SCARA5: variants seen among roughly 807,000 people sequenced by gnomAD.
The protein encoded by SCARA5 is scavenger receptor class A member 5.
Under a neutral mutation model 46.3 loss-of-function variants are expected in SCARA5, and 45 were observed. That is an observed-to-expected ratio of 0.97 (90% CI 0.76 to 1.24). The LOEUF (loss-of-function observed/expected upper bound fraction) is 1.24. Ranked by LOEUF, SCARA5 falls within the 50% of genes most tolerant of loss-of-function variation. The pLI, the probability that SCARA5 is intolerant of heterozygous loss-of-function variation, is 0.00. For synonymous variants in SCARA5, 333 were observed against 306.5 expected (o/e 1.09, Z -0.90); for missense variants, 680 against 689.0 (o/e 0.99, Z 0.15).
intron 3 of SCARA5, among the ~76,000 whole-genome samples, chr8:27,935,820 G>A (rs2726927): frequency 0.35 from 53,048 of 152,026 alleles, 9,500 homozygotes; most frequent in African/African-American, 0.39. Flanking sequence ...TCTGGGCTGC[G>A]TGGAGCCATG....
In SCARA5 at chr8:27,874,379, A is replaced by C. The variant is rs150570477; in HGVS notation, c.1352-2309T>G. Among the ~76,000 whole-genome samples, 1,276 of 152,370 alleles carry C rather than the reference A, an allele frequency of 8.4e-3. 19 individuals carry two copies. The highest frequency in any genetic ancestry group is 0.028 in the African/African-American group (1,185 of 41,590). ...CTGCCCTGGCCTCTCATGTTCGGCCAGTACAGTCTTTTCTCCTCACACAGC... is the reference window on the plus strand; with the variant it reads ...CTGCCCTGGCCTCTCATGTTCGGCCCGTACAGTCTTTTCTCCTCACACAGC... On this transcript the variant is annotated intron_variant, in intron 8 of 8. Transcript: ENST00000354914.
In SCARA5 at chr8:27,898,705, G is replaced by A. The variant is rs143946593; in HGVS notation, c.1153+6073C>T. Among the ~76,000 whole-genome samples, 196 of 152,316 alleles carry A rather than the reference G, an allele frequency of 1.3e-3. 3 individuals are homozygous for A. In the East Asian group the frequency reaches 0.032, roughly 25 times the overall value. On this transcript the variant is annotated intron_variant, in intron 7 of 8. Coordinates refer to ENST00000354914, the MANE Select transcript of SCARA5 (RefSeq NM_173833.6). ...TACCTGAGTTTGGGTGGGATCGAAG[G>A]ATGAGGTGCTGATTGTCAGGGAAAT...
At position 27,918,605 on chromosome 8, in the gene SCARA5, GA is replaced by G. The variant is rs1807509320; in HGVS notation, c.916+2965del. ...GGAGAAGGAAGAAGAGGAGGAGAAG[GA>G]GGAGGAAGAGGAGGGGGAGCAGGAG... On this transcript the variant is annotated intron_variant, in intron 4 of 8. Transcript: ENST00000354914. 4.0e-5 allele frequency among the ~76,000 whole-genome samples: 6 copies of G among 148,622 alleles called. No individual in the cohort carries two copies. In the South Asian group the frequency reaches 1.3e-3, roughly 33 times the overall value.
At chr8:27,943,333 T>C (rs113517618) in intron 3 of SCARA5, among the ~76,000 whole-genome samples, 5,194 of 152,216 alleles carry the variant, frequency 0.034, 312 homozygotes, top group African/African-American at 0.12. Context: ...GTCCTAGCTA[T>C]TCCGGAGGCT....
chr8:27,952,862 C>T (rs1442525860), intron 3 of SCARA5, among the ~76,000 whole-genome samples: 2 of 152,160 alleles, frequency 1.3e-5, no homozygotes, highest in Non-Finnish European at 2.9e-5. Context: ...CCTTTTGGAA[C>T]CAAGCACAGG....
At chr8:27,941,348 C>T (rs1369930796) in intron 3 of SCARA5, among the ~76,000 whole-genome samples, 1 of 152,176 alleles carries the variant, frequency 6.6e-6, no homozygotes, top group African/African-American at 2.4e-5. Context: ...TGACCACTAC[C>T]CGCTATGCTG....
chr8:27,903,177 G>A (rs749359568), intron 7 of SCARA5: 16 of 152,190 alleles, frequency 1.1e-4, no homozygotes, highest in Non-Finnish European at 2.1e-4. Flanking sequence ...GTGATGTGAA[G>A]GGCCTACTGC....
At chr8:27,890,579 C>T (rs1281077035) in intron 7 of SCARA5, among the ~76,000 whole-genome samples, 1 of 148,406 alleles carries the variant, frequency 6.7e-6, no homozygotes, top group African/African-American at 2.5e-5. Context: ...TGATTGGAAT[C>T]CCCTTCTGAA....
Position 27,973,919 on chromosome 8 carries a change from G to A in SCARA5, c.113-7377C>T, listed in dbSNP as rs188369507. Among the ~76,000 whole-genome samples the A allele has an allele frequency of 4.6e-3, 702 of 152,346 alleles. 7 individuals are homozygous for A. Among genetic ancestry groups the A allele is most frequent in the South Asian group, 7.2e-3 (35 of 4,828 alleles). On this transcript the variant is annotated intron_variant, in intron 2 of 8. Transcript: ENST00000354914. Reference sequence around the variant, plus strand: ...TATTATTCCTAGAGGTAAACATTGTGAAGACTTCCTCCTAAAACCGGGAGC... The same window carrying A: ...TATTATTCCTAGAGGTAAACATTGTAAAGACTTCCTCCTAAAACCGGGAGC...
intron 6 of SCARA5, among the ~76,000 whole-genome samples, chr8:27,906,687 A>G (rs1276701753): frequency 6.6e-6 from 1 of 152,098 alleles, no homozygotes; most frequent in Non-Finnish European, 1.5e-5. Flanking sequence ...TATCATGAGG[A>G]TTTCTAGATT....
At chr8:27,944,738 C>A (rs1808005863) in intron 3 of SCARA5, among the ~76,000 whole-genome samples, 1 of 147,532 alleles carries the variant, frequency 6.8e-6, no homozygotes, top group Admixed American at 6.8e-5. Flanking sequence ...GGCATGGTGG[C>A]AGTTGCCTGC....
intron 4 of SCARA5, among the ~76,000 whole-genome samples, chr8:27,918,036 A>C (rs1200559466): frequency 6.6e-6 from 1 of 152,204 alleles, no homozygotes; most frequent in Non-Finnish European, 1.5e-5. Context: ...AGTTATGTGC[A>C]CTGCACTCTT....
At chr8:27,894,826 T>C (rs955169748) in intron 7 of SCARA5, among the ~76,000 whole-genome samples, 1 of 152,170 alleles carries the variant, frequency 6.6e-6, no homozygotes, top group Non-Finnish European at 1.5e-5. Flanking sequence ...TGGTTCCAAA[T>C]CACATCCCTG....
intron 7 of SCARA5, among the ~76,000 whole-genome samples, chr8:27,904,214 C>T (rs1807213809): frequency 6.6e-6 from 1 of 152,144 alleles, no homozygotes; most frequent in Non-Finnish European, 1.5e-5. Context: ...AAGGCGATGC[C>T]ACTTTGTCTC....
At chr8:27,910,696 T>A (rs1807359174) in intron 4 of SCARA5, among the ~76,000 whole-genome samples, 1 of 152,182 alleles carries the variant, frequency 6.6e-6, no homozygotes, top group African/African-American at 2.4e-5. Context: ...CAGAGGGATG[T>A]CAGGGACACA....
At chr8:27,880,166 C>T (rs1294895249) in intron 7 of SCARA5, among the ~76,000 whole-genome samples, 1 of 151,874 alleles carries the variant, frequency 6.6e-6, no homozygotes, top group African/African-American at 2.4e-5. Flanking sequence ...AACTGGAGGA[C>T]CCCTACCTTT....
intron 3 of SCARA5, among the ~76,000 whole-genome samples, chr8:27,963,318 T>C (rs1585516436): frequency 6.6e-6 from 1 of 152,222 alleles, no homozygotes; most frequent in East Asian, 1.9e-4. Flanking sequence ...ATTCTTTAGT[T>C]CATGAACTTA....
chr8:27,902,624 C>T (rs769092803), intron 7 of SCARA5, among the ~76,000 whole-genome samples: 4 of 152,226 alleles, frequency 2.6e-5, no homozygotes, highest in African/African-American at 9.6e-5. Flanking sequence ...TAGTTCCTCC[C>T]TTCCTGCCCA....
intron 2 of SCARA5, among the ~76,000 whole-genome samples, chr8:27,983,304 C>A (rs1808652304): frequency 6.6e-6 from 1 of 152,228 alleles, no homozygotes; most frequent in Admixed American, 6.5e-5. Context: ...TGGACAGGGG[C>A]ACTCACGCTT....
Sources: allele counts gnomAD v4.1 joint callset (sites outside exome capture counted in the v4.1 genomes callset), GRCh38; gene constraint gnomAD v4.1.1; transcripts MANE v1.5; gene names NCBI Gene and HGNC (gene_info 2026-07-23, HGNC 2026-07-21).